TRIM37: variants seen among roughly 807,000 people sequenced by gnomAD.
TRIM37 encodes the protein E3 ubiquitin-protein ligase TRIM37.
In TRIM37, 80 loss-of-function variants were observed where a neutral mutation model predicts 129.8. The observed-to-expected ratio is 0.62, with a 90% CI of 0.51 to 0.74. The LOEUF (loss-of-function observed/expected upper bound fraction) is 0.74, where lower values mean the gene tolerates loss of function less well. Among genes scored for constraint, TRIM37 ranks in the 30% least tolerant of loss-of-function variants. TRIM37 has a pLI of 0.00. For missense variants in TRIM37, 1,054 were observed against 1,176.5 expected (o/e 0.90, Z 1.52); for synonymous variants, 389 against 387.1 (o/e 1.00, Z -0.06).
At chr17:59,004,488 C>T (rs1027658056) in intron 22 of TRIM37, among the ~76,000 whole-genome samples, 4 of 151,172 alleles carry the variant, frequency 2.6e-5, no homozygotes, top group African/African-American at 9.7e-5. Context: ...ACAAAAAAAC[C>T]ACAATGAAAC....
chr17:59,033,070 T>C (rs573261594), intron 17 of TRIM37, among the ~76,000 whole-genome samples: 1 of 152,188 alleles, frequency 6.6e-6, no homozygotes, highest in Admixed American at 6.5e-5. Context: ...GATATGGAAA[T>C]GTTGCTTAAA....
chr17:58,980,244 CTGTAAATG>C, downstream of TRIM37: 1 of 1,614,116 alleles, frequency 6.2e-7, no homozygotes. This position sits in a 1 kb window ranked among gnomAD's most constrained non-coding sequence, Gnocchi z 4.7. Context: ...ATGAACAAAG[CTGTAAATG>C]TTAGTGAGGA....
chr17:59,052,488 G>A (rs1012104180), intron 13 of TRIM37, among the ~76,000 whole-genome samples: 5 of 152,164 alleles, frequency 3.3e-5, no homozygotes, highest in Admixed American at 2.6e-4. Context: ...TTATCTGGCA[G>A]TAGATATCTA....
chr17:59,010,646 C>T (rs924636117), intron 22 of TRIM37, among the ~76,000 whole-genome samples: 1 of 152,016 alleles, frequency 6.6e-6, no homozygotes, highest in Non-Finnish European at 1.5e-5. Context: ...GTGTCTGCTA[C>T]CACATCTGGC....
At chr17:58,972,509 C>G in the TRIM37 span, among the ~76,000 whole-genome samples, 5 of 152,116 alleles carry the variant, frequency 3.3e-5, no homozygotes, top group Non-Finnish European at 5.9e-5. Context: ...TGCCACCACG[C>G]CCAGCTAATT....
chr17:59,081,898 G>A (rs1274283281), intron 5 of TRIM37, among the ~76,000 whole-genome samples: 1 of 127,318 alleles, frequency 7.9e-6, no homozygotes, highest in Non-Finnish European at 1.6e-5. Context: ...CAGAGACTCT[G>A]TCCCCCCCAA....
At chr17:59,081,293 T>C (rs1298370663) in intron 5 of TRIM37, 74 bp from the exon 6 acceptor site, 3 of 1,575,322 alleles carry the variant, frequency 1.9e-6, no homozygotes, top group Non-Finnish European at 2.6e-6. Flanking sequence ...TAACACTCTA[T>C]GGACACTAAT....
At chr17:59,035,709 T>C (rs976581100) in intron 17 of TRIM37, among the ~76,000 whole-genome samples, 2 of 151,858 alleles carry the variant, frequency 1.3e-5, no homozygotes, top group East Asian at 1.9e-4. Flanking sequence ...ATCGTGCCAC[T>C]GCATTCCAGC....
chr17:59,008,444 C>CAAAT (rs1323328089), intron 22 of TRIM37, among the ~76,000 whole-genome samples: 1 of 152,194 alleles, frequency 6.6e-6, no homozygotes, highest in Admixed American at 6.5e-5. Context: ...TATGGCCAAG[C>CAAAT]AAATGCCTTT....
intron 8 of TRIM37, among the ~76,000 whole-genome samples, chr17:59,071,264 C>G (rs1599345668): frequency 6.9e-6 from 1 of 145,622 alleles, no homozygotes; most frequent in African/African-American, 2.5e-5. Context: ...TATTAATGAA[C>G]AAACCGGTAA....
At chr17:59,007,064 G>A (rs2034576763) in intron 22 of TRIM37, among the ~76,000 whole-genome samples, 1 of 151,474 alleles carries the variant, frequency 6.6e-6, no homozygotes, top group Admixed American at 6.6e-5. Context: ...CTGATGTCTA[G>A]AACTGCAGCA....
rs374969631 is a variant in TRIM37, at chr17:59,053,691, TA to T, written c.1200-2364del. Among the ~76,000 whole-genome samples the T allele has an allele frequency of 2.3e-3, 358 of 152,354 alleles. 4 individuals are homozygous for T. The highest frequency in any genetic ancestry group is 8.2e-3 in the African/African-American group (342 of 41,578). On this transcript the variant is annotated intron_variant, in intron 13 of 23. Coordinates refer to ENST00000262294, the MANE Select transcript of TRIM37 (RefSeq NM_015294.6). The stretch of plus-strand genomic sequence containing the variant: ...TAAAATTGATGTTTGAATAATTTTG[TA>T]ATTCTCTCTATGGCTGAAGCATGAA...
intron 19 of TRIM37, among the ~76,000 whole-genome samples, chr17:59,023,572 A>G (rs2036870096): frequency 6.6e-6 from 1 of 151,918 alleles, no homozygotes; most frequent in Non-Finnish European, 1.5e-5. Context: ...GGAGAATAGC[A>G]TGAACCCAGG....
intron 19 of TRIM37, 93 bp downstream of exon 19, chr17:59,028,322 G>A: frequency 8.4e-7 from 1 of 1,189,970 alleles, no homozygotes. Flanking sequence ...CTCACTGGAA[G>A]AGTGGTATTT....
At chr17:59,086,066 T>C (rs1352262472) in intron 4 of TRIM37, among the ~76,000 whole-genome samples, 1 of 152,088 alleles carries the variant, frequency 6.6e-6, no homozygotes, top group Non-Finnish European at 1.5e-5. Flanking sequence ...ATGGGTACAG[T>C]TTCAGATTTG....
intron 17 of TRIM37, among the ~76,000 whole-genome samples, chr17:59,040,607 A>T (rs1432442556): frequency 6.6e-6 from 1 of 152,196 alleles, no homozygotes; most frequent in Non-Finnish European, 1.5e-5. Context: ...CTTGAAAAGT[A>T]ATCAGCATAT....
chr17:58,969,327 C>A, the TRIM37 span: 1 of 661,538 alleles, frequency 1.5e-6, no homozygotes, highest in Non-Finnish European at 2.8e-6. Flanking sequence ...TGACATGTTC[C>A]AGTGTTCTGG....
rs756224146 is a variant in TRIM37 at position 59,015,914 on chromosome 17, G to A, written c.2387-115C>T. ...GGATCACTTGAACCTGGGAGGCGGA[G>A]GTTGCAGTGAGCTGAGATTGTGCTA... On this transcript the variant is annotated intron_variant, in intron 20 of 23. Coordinates refer to ENST00000262294, the MANE Select transcript of TRIM37 (RefSeq NM_015294.6). 4.5e-5 allele frequency: 43 copies of A among 947,838 alleles called. No homozygotes were observed. In the Middle Eastern group the frequency reaches 9.4e-4, roughly 21 times the overall value. The allele number at this position is 947,838 out of a possible 1,614,324, so 58.7% of individuals were successfully genotyped here.
At position 59,090,683 on chromosome 17, in the gene TRIM37, C is replaced by A. The variant is rs186229202; in HGVS notation, c.164+617G>T. ...TGGCGTGACCTTGGCTCAAGTGCAG[C>A]AGTACGATCTCAGCTCACTCCAACC... On this transcript the variant is annotated intron_variant, in intron 3 of 23. Coordinates refer to ENST00000262294, the MANE Select transcript of TRIM37 (RefSeq NM_015294.6). Among the ~76,000 whole-genome samples, 689 of 152,218 alleles carry A rather than the reference C, an allele frequency of 4.5e-3. 3 individuals carry two copies. The highest frequency in any genetic ancestry group is 0.016 in the African/African-American group (653 of 41,538).
Sources: gnomAD v4.1 joint callset for allele counts (sites outside exome capture counted in the v4.1 genomes callset) on GRCh38, gnomAD v4.1.1 for gene constraint, Gnocchi (gnomAD v3.1) non-coding constraint, MANE v1.5 for transcripts, NCBI Gene and HGNC (gene_info 2026-07-23, HGNC 2026-07-21) for gene names.